PLXDC2: variants seen among roughly 807,000 people sequenced by gnomAD.
PLXDC2 encodes plexin domain-containing protein 2.
In PLXDC2, 40 loss-of-function variants were observed where a neutral mutation model predicts 68.9. That is an observed-to-expected ratio of 0.58 (90% CI 0.45 to 0.76). PLXDC2 has a LOEUF of 0.76. PLXDC2 is among the 30% of genes least tolerant of loss of function. The pLI is 0.00. For synonymous variants in PLXDC2, 243 were observed against 234.2 expected (o/e 1.04, Z -0.34); for missense variants, 644 against 661.9 (o/e 0.97, Z 0.30).
intron 10 of PLXDC2, among the ~76,000 whole-genome samples, chr10:20,212,145 G>A (rs1367372099): frequency 6.6e-6 from 1 of 151,870 alleles, no homozygotes; most frequent in Non-Finnish European, 1.5e-5. Flanking sequence ...AATGGCTAGG[G>A]AATAGTAGGG....
At chr10:20,107,331 C>T (rs919750930) in intron 4 of PLXDC2, among the ~76,000 whole-genome samples, 3 of 151,960 alleles carry the variant, frequency 2.0e-5, no homozygotes, top group Admixed American at 6.6e-5. Context: ...TCCCGTTATC[C>T]ATCTAGTCCT....
At chr10:20,029,598 A>C (rs1835465610) in intron 2 of PLXDC2, among the ~76,000 whole-genome samples, 1 of 152,170 alleles carries the variant, frequency 6.6e-6, no homozygotes, top group Non-Finnish European at 1.5e-5. Flanking sequence ...AAAATAAATA[A>C]ATAAAAAAAG....
Position 19,980,688 on chromosome 10 carries a change from A to C in PLXDC2, c.113-21087A>C, listed in dbSNP as rs540369668. On this transcript the variant is annotated intron_variant, in intron 1 of 13. Coordinates refer to ENST00000377252, the MANE Select transcript of PLXDC2 (RefSeq NM_032812.9). Reference sequence around the variant, plus strand: ...AATAATGTTAGTCAAGATTATAAGCAGGGAGAGAGAACACGTGCGATCTGG... The same window carrying C: ...AATAATGTTAGTCAAGATTATAAGCCGGGAGAGAGAACACGTGCGATCTGG... 1.9e-3 allele frequency among the ~76,000 whole-genome samples: 292 copies of C among 152,244 alleles called. 2 individuals are homozygous for C. The highest frequency in any genetic ancestry group is 3.7e-3 in the Non-Finnish European group (252 of 68,042).
At chr10:20,177,747 A>C (rs981808402) in intron 9 of PLXDC2, among the ~76,000 whole-genome samples, 1 of 32,324 alleles carries the variant, frequency 3.1e-5, no homozygotes, top group African/African-American at 8.6e-5. Flanking sequence ...TTTACAAAAA[A>C]TAAGAAAAAA....
chr10:19,832,951 C>T (rs556376972), intron 1 of PLXDC2, among the ~76,000 whole-genome samples: 1 of 152,252 alleles, frequency 6.6e-6, no homozygotes, highest in South Asian at 2.1e-4. Flanking sequence ...TATTAACTCT[C>T]GAACCTCCAT....
chr10:20,239,815 G>A (rs2119323852), intron 12 of PLXDC2, among the ~76,000 whole-genome samples: 1 of 152,250 alleles, frequency 6.6e-6, no homozygotes, highest in African/African-American at 2.4e-5. Flanking sequence ...TCTGCAGGAG[G>A]GAAATGAGCA....
At chr10:19,868,987 C>T (rs1837480089) in intron 1 of PLXDC2, among the ~76,000 whole-genome samples, 1 of 152,120 alleles carries the variant, frequency 6.6e-6, no homozygotes, top group African/African-American at 2.4e-5. Flanking sequence ...AATATGCTAG[C>T]ACCTTCTGCC....
intron 1 of PLXDC2, among the ~76,000 whole-genome samples, chr10:19,956,996 G>A (rs892041336): frequency 6.6e-6 from 1 of 152,116 alleles, no homozygotes; most frequent in Non-Finnish European, 1.5e-5. Flanking sequence ...TACTCTGTGG[G>A]CACTGGCATA....
At chr10:20,099,632 GT>G (rs1833396386) in intron 4 of PLXDC2, among the ~76,000 whole-genome samples, 1 of 152,144 alleles carries the variant, frequency 6.6e-6, no homozygotes, top group African/African-American at 2.4e-5. Flanking sequence ...AGAAAAACAA[GT>G]GCTAAATTGT....
chr10:20,068,440 T>C (rs1836255953), intron 4 of PLXDC2, among the ~76,000 whole-genome samples: 1 of 151,936 alleles, frequency 6.6e-6, no homozygotes, highest in East Asian at 1.9e-4. Flanking sequence ...GTATTTATAA[T>C]AATTTTCAAC....
chr10:19,894,252 A>G (rs958472592), intron 1 of PLXDC2, among the ~76,000 whole-genome samples: 1 of 152,054 alleles, frequency 6.6e-6, no homozygotes, highest in Admixed American at 6.5e-5. Context: ...ACAAACAAAA[A>G]CAAAAACAAA....
intron 4 of PLXDC2, among the ~76,000 whole-genome samples, chr10:20,121,018 G>A (rs1833690223): frequency 6.6e-6 from 1 of 152,176 alleles, no homozygotes; most frequent in Non-Finnish European, 1.5e-5. Context: ...ATGGGTGTCA[G>A]TTGTGGTATC....
At chr10:20,092,494 A>T (rs1833293455) in intron 4 of PLXDC2, among the ~76,000 whole-genome samples, 1 of 152,180 alleles carries the variant, frequency 6.6e-6, no homozygotes, top group Admixed American at 6.5e-5. Context: ...ATTTAAAAAG[A>T]TGTTAAAAAT....
intron 13 of PLXDC2, among the ~76,000 whole-genome samples, chr10:20,255,168 GA>G (rs1835725847): frequency 6.7e-6 from 1 of 148,548 alleles, no homozygotes; most frequent in Non-Finnish European, 1.5e-5. Flanking sequence ...TGGATAGATG[GA>G]TGGATGGGTG....
intron 9 of PLXDC2, among the ~76,000 whole-genome samples, chr10:20,196,802 A>G (rs1250983319): frequency 6.6e-6 from 1 of 152,184 alleles, no homozygotes; most frequent in Non-Finnish European, 1.5e-5. Context: ...TTCACGTTCA[A>G]ACAGTGTTAG....
chr10:19,865,163 A>G (rs118163453), intron 1 of PLXDC2, among the ~76,000 whole-genome samples: 2,009 of 152,286 alleles, frequency 0.013, 141 homozygotes, highest in Admixed American at 0.11. Flanking sequence ...GCAGTGGAGG[A>G]GGAAAGTAGA....
chr10:19,899,608 T>A (rs984690922), intron 1 of PLXDC2, among the ~76,000 whole-genome samples: 12 of 152,194 alleles, frequency 7.9e-5, no homozygotes, highest in African/African-American at 2.9e-4. Context: ...TTGCTAGTAA[T>A]TGTAAATTTT....
intron 1 of PLXDC2, among the ~76,000 whole-genome samples, chr10:19,847,866 A>G (rs927102741): frequency 1.3e-5 from 2 of 152,204 alleles, no homozygotes; most frequent in Admixed American, 6.6e-5. Flanking sequence ...GGATTACACA[A>G]TTAGTAAACA....
chr10:20,186,000 T>G (rs541419115), intron 9 of PLXDC2, among the ~76,000 whole-genome samples: 3 of 152,100 alleles, frequency 2.0e-5, no homozygotes, highest in South Asian at 4.1e-4. Context: ...TTGACACTCC[T>G]TCTTTTTGCT....
Sources: gnomAD v4.1 joint callset for allele counts (sites outside exome capture counted in the v4.1 genomes callset) on GRCh38, gnomAD v4.1.1 for gene constraint, MANE v1.5 for transcripts, NCBI Gene and HGNC (gene_info 2026-07-23, HGNC 2026-07-21) for gene names.